The following PRDM15 variants were observed in gnomAD, a reference collection of about 807,000 sequenced individuals.
PRDM15 encodes the protein PR domain zinc finger protein 15.
PRDM15 carries 64 observed loss-of-function variants against 128.6 expected under a neutral mutation model. The ratio of observed to expected loss-of-function variants is 0.50; its 90% CI spans 0.41 to 0.61. The LOEUF is 0.61. Among genes scored for constraint, PRDM15 ranks in the 20% least tolerant of loss-of-function variants. The pLI is 0.00. For missense variants in PRDM15, 1,242 were observed against 1,569.1 expected, an observed-to-expected ratio of 0.79 and a Z score of 3.52; for synonymous variants, 615 against 621.8, an observed-to-expected ratio of 0.99 and a Z score of 0.16.
chr21:41,831,922 C>G (rs1042114838), intron 11 of PRDM15, among the ~76,000 whole-genome samples: 15 of 152,350 alleles, frequency 9.8e-5, no homozygotes, highest in African/African-American at 3.6e-4. Context: ...CGCTGAGTCC[C>G]AGCCTAACAT....
At chr21:41,877,270 A>C (rs961085434) in intron 1 of PRDM15, 1 of 150,974 alleles carries the variant, frequency 6.6e-6, no homozygotes. Flanking sequence ...CCATCGTCTT[A>C]CCTGAGAGTT....
At chr21:41,867,258 A>C in intron 1 of PRDM15, 1 of 1,491,854 alleles carries the variant, frequency 6.7e-7, no homozygotes, top group Non-Finnish European at 9.3e-7. Flanking sequence ...TCGTAACACC[A>C]AAAGGAGTTA....
intron 1 of PRDM15, among the ~76,000 whole-genome samples, chr21:41,878,480 G>T (rs1349251205): frequency 6.6e-6 from 1 of 152,144 alleles, no homozygotes; most frequent in East Asian, 1.9e-4. Context: ...ACCCCTGCGT[G>T]AACACCTCCC....
Position 41,859,737 on chromosome 21 carries a change from G to T in PRDM15, c.38-52C>A. The T allele has an allele frequency of 6.7e-7, 1 of 1,502,540 alleles. No individual in the cohort carries two copies. The highest frequency in any genetic ancestry group is 9.2e-7 in the Non-Finnish European group (1 of 1,087,002). 93.1% of individuals were successfully genotyped at this position (1,502,540 alleles called of 1,614,324 possible). A position where few individuals can be genotyped will look rare whatever the true frequency, so the allele number is the denominator to read the frequency against. On this transcript the variant is annotated intron_variant, in intron 2 of 23. Coordinates refer to ENST00000398548, the MANE Select transcript of PRDM15 (RefSeq NM_001040424.3). This position sits in a 1 kb window ranked among gnomAD's most constrained non-coding sequence, Gnocchi z 5.3. ...GCACCCAGGGAGGGAGACACCTAAAGAACACAAACCTGGGAAATGGGGACC... is the reference window on the plus strand; with the variant it reads ...GCACCCAGGGAGGGAGACACCTAAATAACACAAACCTGGGAAATGGGGACC...
intron 1 of PRDM15, among the ~76,000 whole-genome samples, chr21:41,874,264 T>C (rs2064320217): frequency 6.6e-6 from 1 of 151,534 alleles, no homozygotes; most frequent in Non-Finnish European, 1.5e-5. Flanking sequence ...TTTAGCGTAT[T>C]TCAAAAAGCA....
chr21:41,874,525 A>ATATATTTTTTTTTTTT, intron 1 of PRDM15, among the ~76,000 whole-genome samples: 4 of 95,816 alleles, frequency 4.2e-5, no homozygotes, highest in African/African-American at 1.7e-4. Context: ...ATATATATAT[A>ATATATTTTTTTTTTTT]TTTTTTTTTT....
At chr21:41,856,444 C>T (rs768685874) in intron 4 of PRDM15, among the ~76,000 whole-genome samples, 17 of 151,556 alleles carry the variant, frequency 1.1e-4, no homozygotes, top group Non-Finnish European at 2.2e-4. Context: ...CAAGCAGATC[C>T]ATTTCAAGGG....
chr21:41,865,968 C>T (rs567468040), intron 1 of PRDM15, among the ~76,000 whole-genome samples: 2 of 152,276 alleles, frequency 1.3e-5, no homozygotes, highest in South Asian at 2.1e-4. Flanking sequence ...TGGTCTCAAA[C>T]TCCTGGCCTC....
chr21:41,823,384 G>T lies in PRDM15; in HGVS notation c.1695C>A (p.Cys565Ter). Residue 565 changes from cysteine (C) to a stop codon, truncating the protein, a stop_gained, in exon 14 of 24, where the codon TGC (cysteine) becomes TGA (stop). Coordinates refer to ENST00000398548, the MANE Select transcript of PRDM15 (RefSeq NM_001040424.3). LOFTEE classifies it high-confidence loss of function. Reference protein sequence around the residue: ...LLTHGDKKYTCEICGRKFFRV... With the variant: ...LLTHGDKKYT ...GGAAGAACTTGCGCCCGCAGATCTC[G>T]CAGGTGTACTTCTTGTCGCCGTGGG... 6.3e-7 allele frequency: 1 copy of T among 1,584,258 alleles called. No homozygotes were observed.
chr21:41,802,420 C>T (rs925395410), intron 23 of PRDM15, among the ~76,000 whole-genome samples: 2 of 152,152 alleles, frequency 1.3e-5, no homozygotes, highest in African/African-American at 4.8e-5. Context: ...CCCGTGACCT[C>T]CCCAAACTGC....
chr21:41,806,854 TCAC>T (rs2061692996), intron 21 of PRDM15, among the ~76,000 whole-genome samples: 3 of 146,348 alleles, frequency 2.0e-5, no homozygotes, highest in Non-Finnish European at 1.5e-5. Context: ...GTCACCACCA[TCAC>T]CACTACCACC....
intron 18 of PRDM15, among the ~76,000 whole-genome samples, chr21:41,816,306 A>C (rs2062050128): frequency 6.6e-6 from 1 of 152,238 alleles, no homozygotes; most frequent in African/African-American, 2.4e-5. Flanking sequence ...AGCCTCACTC[A>C]CACAGCCAGT....
Position 41,799,046 on chromosome 21 carries a change from C to T in PRDM15, c.*2194G>A, listed in dbSNP as rs2061360109. 1 of 152,126 alleles carries T rather than the reference C, an allele frequency of 6.6e-6. No homozygotes were observed. The highest frequency in any genetic ancestry group is 1.5e-5 in the Non-Finnish European group (1 of 68,022). The allele number at this position is 152,126 out of a possible 1,614,324, so 9.4% of individuals were successfully genotyped here. A position where few individuals can be genotyped will look rare whatever the true frequency, so the allele number is the denominator to read the frequency against. ...TAAACAGTGGTATATACCACACAATCTAAATTAGGTTCTTTAACAACATTT... is the reference window on the plus strand; with the variant it reads ...TAAACAGTGGTATATACCACACAATTTAAATTAGGTTCTTTAACAACATTT... On this transcript the variant is annotated 3_prime_UTR_variant, in exon 24 of 24. Coordinates refer to ENST00000398548, the MANE Select transcript of PRDM15 (RefSeq NM_001040424.3).
chr21:41,811,521 T>G lies in PRDM15; in HGVS notation c.2393-685A>C, dbSNP rs948795070. 7 of 152,558 alleles carry G rather than the reference T, an allele frequency of 4.6e-5. No homozygotes were observed. Among genetic ancestry groups the G allele is most frequent in the African/African-American group, 1.7e-4 (7 of 41,400 alleles). 9.5% of individuals were successfully genotyped at this position (152,558 alleles called of 1,614,324 possible). ...ATAACCAGCCGGGCATGATGGTGTG[T>G]GCCTGTAGTCCCAGCTACTCGAGAA... On this transcript the variant is annotated intron_variant, in intron 19 of 23. Transcript: ENST00000398548. This position sits in a 1 kb window ranked among gnomAD's most constrained non-coding sequence, Gnocchi z 4.1.
intron 11 of PRDM15, among the ~76,000 whole-genome samples, chr21:41,833,434 G>A (rs987293987): frequency 3.3e-5 from 5 of 152,318 alleles, no homozygotes; most frequent in Middle Eastern, 3.4e-3. Flanking sequence ...TGGGCCTCCA[G>A]TGCCACCCAC....
At chr21:41,868,465 G>A (rs2064092687) in intron 1 of PRDM15, among the ~76,000 whole-genome samples, 1 of 152,088 alleles carries the variant, frequency 6.6e-6, no homozygotes, top group African/African-American at 2.4e-5. Context: ...ACACAGGAGA[G>A]ATCCAGTTTC....
intron 1 of PRDM15, among the ~76,000 whole-genome samples, chr21:41,863,754 C>A (rs562540788): frequency 6.6e-6 from 1 of 152,238 alleles, no homozygotes; most frequent in African/African-American, 2.4e-5. Context: ...AAGCTACCAT[C>A]ATAAAAACTT....
intron 1 of PRDM15, chr21:41,878,778 G>T: frequency 6.9e-7 from 1 of 1,439,496 alleles, no homozygotes; most frequent in Non-Finnish European, 9.2e-7. Context: ...GAGGGCGGGG[G>T]ATAACGACAT....
chr21:41,828,089 G>C lies in PRDM15; in HGVS notation c.1534+77C>G. 6.6e-7 allele frequency: 1 copy of C among 1,521,720 alleles called. No homozygotes were observed. The highest frequency in any genetic ancestry group is 9.0e-7 in the Non-Finnish European group (1 of 1,108,746). 94.3% of individuals were successfully genotyped at this position (1,521,720 alleles called of 1,614,324 possible). On this transcript the variant is annotated intron_variant, in intron 12 of 23. Transcript: ENST00000398548. This position sits in a 1 kb window ranked among gnomAD's most constrained non-coding sequence, Gnocchi z 5.7. ...CGAACTGCTCCCCAAAGGCCCTGCT[G>C]ACTGCTCCATGCCGCCCTGCCCCAC... is the stretch of plus-strand genomic sequence containing the variant.
Sources: gnomAD v4.1 joint callset for allele counts (sites outside exome capture counted in the v4.1 genomes callset) on GRCh38, gnomAD v4.1.1 for gene constraint, Gnocchi (gnomAD v3.1) non-coding constraint, MANE v1.5 for transcripts, NCBI Gene and HGNC (gene_info 2026-07-23, HGNC 2026-07-21) for gene names.